Variants in MGST1 observed in about 807,000 individuals in gnomAD.
MGST1 encodes glutathione S-transferase 12.
MGST1 carries 5 observed loss-of-function variants against 8.9 expected under a neutral mutation model. That is an observed-to-expected ratio of 0.56 (90% CI 0.29 to 1.19). The LOEUF (loss-of-function observed/expected upper bound fraction) is 1.19. Among genes scored for constraint, MGST1 ranks in the 50% most tolerant of loss-of-function variants. MGST1 has a pLI of 0.08. For synonymous variants in MGST1, 54 were observed against 67.8 expected, an observed-to-expected ratio of 0.80 and a Z score of 1.00; for missense variants, 182 against 187.4, an observed-to-expected ratio of 0.97 and a Z score of 0.17.
chr12:16,519,701 A>G (rs1941636861), intron 4 of MGST1, among the ~76,000 whole-genome samples: 1 of 152,022 alleles, frequency 6.6e-6, no homozygotes, highest in Admixed American at 6.6e-5. Flanking sequence ...CACCTTTCTC[A>G]TTATGACCCA....
chr12:16,455,619 C>G (rs1054700562), intron 4 of MGST1, among the ~76,000 whole-genome samples: 5 of 151,758 alleles, frequency 3.3e-5, no homozygotes, highest in Non-Finnish European at 7.4e-5. Flanking sequence ...AATCAAGAAG[C>G]CTCATCAAGT....
intron 4 of MGST1, among the ~76,000 whole-genome samples, chr12:16,506,695 G>A (rs966339060): frequency 6.6e-6 from 1 of 152,016 alleles, no homozygotes; most frequent in African/African-American, 2.4e-5. Context: ...TGTGTACCAT[G>A]GCAAAGTTGA....
chr12:16,506,231 G>A (rs971312958), intron 4 of MGST1, among the ~76,000 whole-genome samples: 2 of 152,116 alleles, frequency 1.3e-5, no homozygotes, highest in African/African-American at 4.8e-5. Flanking sequence ...CTCATTCCCT[G>A]AACCCGATTC....
In MGST1 at chr12:16,413,648, CTTA is replaced by C. The variant is rs1940760977; in HGVS notation, n.779-23737_779-23735del. On this transcript the variant is annotated intron_variant and non_coding_transcript_variant, in intron 1 of 1. Transcript: ENST00000359720. This position sits in a 1 kb window ranked among gnomAD's most constrained non-coding sequence, Gnocchi z 4.0. Reference sequence around the variant, plus strand: ...ATAGATCTCAATTTTCTCATTTACCCTTATTTTTTTCCATACATTCTCAAGGAA... The same window carrying C: ...ATAGATCTCAATTTTCTCATTTACCCTTTTTTTCCATACATTCTCAAGGAA... Among the ~76,000 whole-genome samples, 1 of 152,122 alleles carries C rather than the reference CTTA, an allele frequency of 6.6e-6. No individual in the cohort carries two copies. The highest frequency in any genetic ancestry group is 2.4e-5 in the African/African-American group (1 of 41,430).
rs1282828515 is a variant in MGST1, at chr12:16,555,854, C to A, written n.483-33674C>A. On this transcript the variant is annotated intron_variant and non_coding_transcript_variant, in intron 4 of 4. Transcript: ENST00000538857. The surrounding 1 kb of genome is among the most constrained non-coding windows in gnomAD (Gnocchi z 5.5). ...CATCTTCCCCAACCCCGAGCAGACA[C>A]ACTTCCTGTAAGTCAACCAGTTCTA... Among the ~76,000 whole-genome samples, 4 of 152,330 alleles carry A rather than the reference C, an allele frequency of 2.6e-5. No individual in the cohort carries two copies. The South Asian group carries it at 6.2e-4, about 24-fold the overall frequency.
intron 4 of MGST1, among the ~76,000 whole-genome samples, chr12:16,448,691 T>C (rs1216620987): frequency 6.6e-6 from 1 of 151,976 alleles, no homozygotes; most frequent in Non-Finnish European, 1.5e-5. Flanking sequence ...GACTCTATTC[T>C]TATTTACATA....
chr12:16,539,715 A>T (rs1463206872), intron 4 of MGST1, among the ~76,000 whole-genome samples: 1 of 152,156 alleles, frequency 6.6e-6, no homozygotes, highest in Non-Finnish European at 1.5e-5. Context: ...CCTGTGTTGT[A>T]AGTTTTAACA....
At chr12:16,426,816 A>C (rs10846363) in intron 1 of MGST1, among the ~76,000 whole-genome samples, 138,259 of 151,892 alleles carry the variant, frequency 0.91, 63,891 homozygotes, top group Non-Finnish European at 0.99. Flanking sequence ...ACAACAACAA[A>C]AAAAAATTAG....
chr12:16,385,616 G>A (rs1434547943), intron 1 of MGST1, among the ~76,000 whole-genome samples: 1 of 151,814 alleles, frequency 6.6e-6, no homozygotes, highest in African/African-American at 2.4e-5. Context: ...ATGATAATCT[G>A]ATGCAACTGT....
At chr12:16,355,322 C>T (rs184788005) in intron 2 of MGST1, among the ~76,000 whole-genome samples, 1 of 151,610 alleles carries the variant, frequency 6.6e-6, no homozygotes, top group Non-Finnish European at 1.5e-5. Flanking sequence ...GCTTCTCATG[C>T]CTCAGCGTCC....
chr12:16,577,534 G>A (rs1943032215), intron 4 of MGST1, among the ~76,000 whole-genome samples: 1 of 151,866 alleles, frequency 6.6e-6, no homozygotes, highest in South Asian at 2.1e-4. Context: ...CCTATTATCA[G>A]CCAGATTTTC....
intron 1 of MGST1, among the ~76,000 whole-genome samples, chr12:16,403,413 C>T (rs947159587): frequency 1.3e-5 from 2 of 151,834 alleles, no homozygotes. Context: ...TCTTTACTGA[C>T]CATTGTATAG....
chr12:16,448,958 G>T lies in MGST1; in HGVS notation n.482+65354G>T, dbSNP rs1025963015. Among the ~76,000 whole-genome samples the T allele has an allele frequency of 2.0e-5, 3 of 152,014 alleles. No homozygotes were observed. In the South Asian group the frequency reaches 6.2e-4, roughly 32 times the overall value. On this transcript the variant is annotated intron_variant and non_coding_transcript_variant, in intron 4 of 4. Transcript: ENST00000538857. ...GAGGGGGAAGGTTAGATGTTTAAAA[G>T]CTGAGCTAACAATGACAAGAATAGT...
downstream of MGST1, among the ~76,000 whole-genome samples, chr12:16,366,461 CTG>C (rs1940189956): frequency 1.3e-5 from 2 of 152,098 alleles, no homozygotes; most frequent in African/African-American, 2.4e-5. This position sits in a 1 kb window ranked among gnomAD's most constrained non-coding sequence, Gnocchi z 4.0. Context: ...AGAGTGAAGT[CTG>C]TGTGCTAAGT....
At chr12:16,557,390 G>A (rs924468865) in intron 4 of MGST1, among the ~76,000 whole-genome samples, 7 of 139,982 alleles carry the variant, frequency 5.0e-5, no homozygotes, top group Non-Finnish European at 9.2e-5. Flanking sequence ...TTTTTTAAAC[G>A]TAATTCCTAG....
chr12:16,376,768 T>TA (rs1940386900), exon 4 of MGST1: 1 of 152,066 alleles, frequency 6.6e-6, no homozygotes, highest in African/African-American at 2.4e-5. Flanking sequence ...ATTGAGTATG[T>TA]AAAAAAGAGC....
Position 16,555,204 on chromosome 12 carries a change from C to T in MGST1, n.483-34324C>T, listed in dbSNP as rs545173124. On this transcript the variant is annotated intron_variant and non_coding_transcript_variant, in intron 4 of 4. Coordinates refer to the MGST1 transcript ENST00000538857. This position sits in a 1 kb window ranked among gnomAD's most constrained non-coding sequence, Gnocchi z 5.5. ...GGTAATGATAATCTTTTCACCTTTA[C>T]TTAAGTTGTTCCCTAGCAAGAAATA... Among the ~76,000 whole-genome samples, 17 of 152,266 alleles carry T rather than the reference C, an allele frequency of 1.1e-4. No homozygotes were observed. The East Asian group carries it at 3.3e-3, about 29-fold the overall frequency.
At chr12:16,428,781 G>T (rs1940914783) in intron 1 of MGST1, among the ~76,000 whole-genome samples, 1 of 151,658 alleles carries the variant, frequency 6.6e-6, no homozygotes, top group Non-Finnish European at 1.5e-5. Context: ...TTTTTATGAG[G>T]CTTGCTTTTA....
At position 16,401,136 on chromosome 12, in the gene MGST1, A is replaced by C. The variant is rs1344041798; in HGVS notation, n.778+17532A>C. The stretch of plus-strand genomic sequence containing the variant: ...CCTCATCTTCGTTCCTTAGGAAAAT[A>C]CCCACATTCTTCACTTTCTTCTTCA... On this transcript the variant is annotated intron_variant and non_coding_transcript_variant, in intron 1 of 1. Transcript: ENST00000359720. The surrounding 1 kb of genome is among the most constrained non-coding windows in gnomAD (Gnocchi z 4.3). The C allele has an allele frequency of 1.3e-6, 2 of 1,568,860 alleles. No homozygotes were observed. The highest frequency in any genetic ancestry group is 2.2e-5 in the South Asian group (2 of 90,148).
Sources: allele counts gnomAD v4.1 joint callset (sites outside exome capture counted in the v4.1 genomes callset), GRCh38; gene constraint gnomAD v4.1.1; non-coding constraint Gnocchi (gnomAD v3.1); transcripts MANE v1.5; gene names NCBI Gene and HGNC (gene_info 2026-07-23, HGNC 2026-07-21).